Variants in EML1 observed in about 807,000 individuals in gnomAD.
The protein encoded by EML1 is EMAP like 1.
A neutral mutation model predicts 110.4 loss-of-function variants in EML1; 27 were observed. The observed-to-expected ratio is 0.24, with a 90% CI of 0.18 to 0.34. The LOEUF (loss-of-function observed/expected upper bound fraction) is 0.34. Among genes scored for constraint, EML1 ranks in the 10% least tolerant of loss-of-function variants. The probability of loss-of-function intolerance (pLI) is 1.00; values close to 1 mark genes in which losing one functional copy is unlikely to be tolerated. For missense variants in EML1, 741 were observed against 1,030.9 expected, an observed-to-expected ratio of 0.72 and a Z score of 3.85; for synonymous variants, 344 against 385.8, an observed-to-expected ratio of 0.89 and a Z score of 1.27.
Position 99,936,401 on chromosome 14 carries a change from G to GAGGC in EML1, c.2095+67_2095+68insAGGC. ...AAGCGTTCACTCTGAGATCCAGGGG[G>GAGGC]CCTCTGTGAGAACCCACCTCCTGTA... On this transcript the variant is annotated intron_variant, in intron 19 of 21. Coordinates refer to ENST00000262233, the MANE Select transcript of EML1 (RefSeq NM_004434.3). This position sits in a 1 kb window ranked among gnomAD's most constrained non-coding sequence, Gnocchi z 5.5. The GAGGC allele has an allele frequency of 6.9e-7, 1 of 1,450,164 alleles. No homozygotes were observed. Among genetic ancestry groups the GAGGC allele is most frequent in the Non-Finnish European group, 9.6e-7 (1 of 1,042,142 alleles). The allele number at this position is 1,450,164 out of a possible 1,614,324, so 89.8% of individuals were successfully genotyped here. A position where few individuals can be genotyped will look rare whatever the true frequency, so the allele number is the denominator to read the frequency against.
At chr14:99,789,209 CATTTATTT>C (rs1385676790), upstream of EML1, among the ~76,000 whole-genome samples, 1 of 151,870 alleles carries the variant, frequency 6.6e-6, no homozygotes, top group Non-Finnish European at 1.5e-5. Context: ...TCTTTTTATT[CATTTATTT>C]ATTTTTTTTG....
At position 99,763,077 on chromosome 14, in the gene EML1, A is replaced by C. The variant is rs763976830; in HGVS notation, c.28+25217A>C. Reference sequence around the variant, plus strand: ...TTCTCATCATAGTAAGTATCACGAGATCTGACAGTTTTATAAGGGAGAGTT... The same window carrying C: ...TTCTCATCATAGTAAGTATCACGAGCTCTGACAGTTTTATAAGGGAGAGTT... On this transcript the variant is annotated intron_variant, in intron 1 of 10. Transcript: ENST00000554479. 1.9e-4 allele frequency among the ~76,000 whole-genome samples: 29 copies of C among 152,002 alleles called. 1 individual carries two copies. The highest frequency in any genetic ancestry group is 2.6e-4 in the Non-Finnish European group (18 of 67,994).
At chr14:99,860,112 G>A (rs2058976949) in intron 2 of EML1, among the ~76,000 whole-genome samples, 1 of 152,064 alleles carries the variant, frequency 6.6e-6, no homozygotes, top group Non-Finnish European at 1.5e-5. Context: ...TCCTTCACCT[G>A]GGCACCTCTT....
At chr14:99,793,230 C>T (rs2140231277), upstream of EML1, 2 of 606,446 alleles carry the variant, frequency 3.3e-6, no homozygotes, top group South Asian at 1.4e-4. Flanking sequence ...CGCCCCGCCA[C>T]GTCCCCCTCC....
intron 1 of EML1, among the ~76,000 whole-genome samples, chr14:99,748,368 G>T (rs576859184): frequency 6.6e-6 from 1 of 152,122 alleles, no homozygotes; most frequent in Non-Finnish European, 1.5e-5. Flanking sequence ...AGGGGCCAGC[G>T]ATGCTCAAGG....
intron 9 of EML1, chr14:99,906,846 C>G (rs2059856058): frequency 6.6e-6 from 1 of 152,180 alleles, no homozygotes; most frequent in African/African-American, 2.4e-5. Flanking sequence ...GCAGACCCAC[C>G]CTACACTCTT....
At chr14:99,753,644 ATAGAC>A (rs2057209475) in intron 1 of EML1, among the ~76,000 whole-genome samples, 1 of 152,046 alleles carries the variant, frequency 6.6e-6, no homozygotes, top group Non-Finnish European at 1.5e-5. Flanking sequence ...CGTCTGCCTG[ATAGAC>A]GGTGAGCGTC....
In EML1 at chr14:99,914,558, A is replaced by G. The variant is rs747779900; in HGVS notation, c.1621-8A>G. 6.3e-7 allele frequency: 1 copy of G among 1,582,660 alleles called. No homozygotes were observed. Among genetic ancestry groups the G allele is most frequent in the Admixed American group, 2.0e-5 (1 of 49,156 alleles). On this transcript the variant is annotated splice_region_variant and splice_polypyrimidine_tract_variant and intron_variant, in intron 14 of 21. Transcript: ENST00000262233. ...CAGAGCGCTTCTGTTTGTCTTGGTT[A>G]TTTGTAGGGTCACACTGATGAGCTC...
chr14:99,774,395 G>A (rs554966480), intron 1 of EML1, among the ~76,000 whole-genome samples: 1 of 152,298 alleles, frequency 6.6e-6, no homozygotes, highest in Non-Finnish European at 1.5e-5. Context: ...TGGCCATGGC[G>A]ATTGTTAAAA....
At chr14:99,825,191 G>T (rs1370974728) in intron 1 of EML1, among the ~76,000 whole-genome samples, 1 of 152,004 alleles carries the variant, frequency 6.6e-6, no homozygotes, top group African/African-American at 2.4e-5. Flanking sequence ...TTGCTATGTT[G>T]CCCAGGCCAG....
chr14:99,927,413 A>G (rs915796855), intron 17 of EML1, among the ~76,000 whole-genome samples: 6 of 152,158 alleles, frequency 3.9e-5, no homozygotes, highest in Admixed American at 2.6e-4. Context: ...ATTGCTGGAT[A>G]TCGAGGCTTG....
chr14:99,921,321 A>G (rs1049463554), intron 17 of EML1, among the ~76,000 whole-genome samples: 9 of 152,114 alleles, frequency 5.9e-5, no homozygotes, highest in African/African-American at 2.2e-4. Context: ...CCAGTCTACT[A>G]TTGATGGGCA....
intron 1 of EML1, among the ~76,000 whole-genome samples, chr14:99,818,932 T>G (rs1461310284): frequency 6.6e-6 from 1 of 152,226 alleles, no homozygotes; most frequent in African/African-American, 2.4e-5. Flanking sequence ...AGAACATGCT[T>G]TTCAAATTAA....
chr14:99,869,240 T>G (rs907618028), intron 3 of EML1, among the ~76,000 whole-genome samples: 1 of 152,208 alleles, frequency 6.6e-6, no homozygotes, highest in African/African-American at 2.4e-5. Context: ...TTCCAACATG[T>G]ACCCACTTCA....
intron 1 of EML1, among the ~76,000 whole-genome samples, chr14:99,753,447 A>G (rs933314250): frequency 1.3e-5 from 2 of 151,542 alleles, no homozygotes; most frequent in African/African-American, 4.9e-5. Context: ...AGGCAGATGG[A>G]TTCTCCACAC....
chr14:99,874,327 A>T (rs887180853), intron 3 of EML1, among the ~76,000 whole-genome samples: 1 of 152,250 alleles, frequency 6.6e-6, no homozygotes, highest in Non-Finnish European at 1.5e-5. Flanking sequence ...AGAAGGGAAA[A>T]CAAAATAAGT....
At chr14:99,867,131 C>T (rs2059116351) in intron 3 of EML1, among the ~76,000 whole-genome samples, 1 of 152,152 alleles carries the variant, frequency 6.6e-6, no homozygotes, top group African/African-American at 2.4e-5. Flanking sequence ...CCATCTTTAT[C>T]ATATTTTGTC....
intron 15 of EML1, among the ~76,000 whole-genome samples, chr14:99,916,163 G>A (rs2060031649): frequency 6.6e-6 from 1 of 152,240 alleles, no homozygotes; most frequent in Non-Finnish European, 1.5e-5. Context: ...TAAGCTGGAA[G>A]CCAGGGAACT....
chr14:99,768,954 A>G (rs768578455), upstream of EML1, among the ~76,000 whole-genome samples: 5 of 152,040 alleles, frequency 3.3e-5, no homozygotes, highest in Non-Finnish European at 5.9e-5. Flanking sequence ...CTGACCTCAG[A>G]TGATCTGCCT....
Sources: gnomAD v4.1 joint callset for allele counts (sites outside exome capture counted in the v4.1 genomes callset) on GRCh38, gnomAD v4.1.1 for gene constraint, Gnocchi (gnomAD v3.1) non-coding constraint, MANE v1.5 for transcripts, NCBI Gene and HGNC (gene_info 2026-07-23, HGNC 2026-07-21) for gene names.